The following ASIP variants were observed in gnomAD, a reference collection of about 807,000 sequenced individuals.
ASIP encodes the protein agouti signaling protein.
Under a neutral mutation model 10.3 loss-of-function variants are expected in ASIP, and 11 were observed. The observed-to-expected ratio is 1.07, with a 90% CI of 0.68 to 1.78. ASIP has a LOEUF of 1.78. ASIP is among the 40% of genes most tolerant of loss of function. The pLI is 0.00. For synonymous variants in ASIP, 70 were observed against 70.8 expected, an observed-to-expected ratio of 0.99 and a Z score of 0.06; for missense variants, 180 against 169.2, an observed-to-expected ratio of 1.06 and a Z score of -0.35.
rs539277829 is a variant in ASIP, at chr20:34,252,672, C to T, written c.-10-7693C>T. On this transcript the variant is annotated intron_variant, in intron 1 of 3. Transcript: ENST00000374954. ...GCAAAGAGGCCTCCCTCTTTCACTA[C>T]TCCCCCTCAGCACAGACCCTTTATG... Among the ~76,000 whole-genome samples, 204 of 152,264 alleles carry T rather than the reference C, an allele frequency of 1.3e-3. 1 individual carries two copies. The highest frequency in any genetic ancestry group is 4.7e-3 in the African/African-American group (196 of 41,542).
At chr20:34,246,190 G>T in intron 1 of ASIP, 2 of 1,236,940 alleles carry the variant, frequency 1.6e-6, no homozygotes, top group Non-Finnish European at 2.3e-6. Flanking sequence ...TAGGAATTTT[G>T]GCCTTAGTAA....
In ASIP at chr20:34,246,242, C is replaced by T. The variant is rs148614048; in HGVS notation, c.-11+4753C>T. On this transcript the variant is annotated intron_variant, in intron 1 of 3. Coordinates refer to ENST00000374954, the MANE Select transcript of ASIP (RefSeq NM_001672.3). ...CTTCTTTTTTTGTTTTATTTGGCCT[C>T]TTCCACCTCTCTTCTGTTTTTTCTT... 6.5e-3 allele frequency: 9,959 copies of T among 1,531,284 alleles called. 817 individuals carry two copies. In the Admixed American group the frequency reaches 0.16, roughly 24 times the overall value. 94.9% of individuals were successfully genotyped at this position (1,531,284 alleles called of 1,614,324 possible).
chr20:34,235,372 G>A (rs1242136920), intron 1 of ASIP, among the ~76,000 whole-genome samples: 3 of 151,990 alleles, frequency 2.0e-5, no homozygotes, highest in Admixed American at 6.5e-5. Flanking sequence ...GCGGGGAGGC[G>A]GAGGTTGCAG....
At position 34,260,525 on chromosome 20, in the gene ASIP, T is replaced by C; in HGVS notation, c.151T>C (p.Ser51Pro). The C allele has an allele frequency of 6.2e-7, 1 of 1,611,890 alleles. No individual in the cohort carries two copies. Among genetic ancestry groups the C allele is most frequent in the Non-Finnish European group, 8.5e-7 (1 of 1,178,544 alleles). ...SVNLLDVPSV[S>P]IVALNKKSKQ... ...GAACCTACTGGATGTCCCTTCTGTC[T>C]CTATTGTGGGTAAGTCACCTAGCCT... The change falls in exon 2 of 4, where the codon TCT becomes CCT. Residue 51 changes from serine to proline, a missense_variant. Physicochemically the swap from Ser to Pro is moderately conservative, Grantham distance 74 (BLOSUM62 -1). Coordinates refer to ENST00000374954, the MANE Select transcript of ASIP (RefSeq NM_001672.3).
chr20:34,235,894 G>GA lies in ASIP; in HGVS notation c.-10-24469dup, dbSNP rs1568756496. ...GGAAGGAAGGAAGGAAGGAAGGAAG[G>GA]AAGGAAAGGAAGGAAGGAAGGAAGG... On this transcript the variant is annotated intron_variant, in intron 1 of 3. Coordinates refer to the ASIP transcript ENST00000568305. Among the ~76,000 whole-genome samples, 14 of 85,056 alleles carry GA rather than the reference G, an allele frequency of 1.6e-4. 1 individual carries two copies. The highest frequency in any genetic ancestry group is 0.012 in the Middle Eastern group (2 of 170). The allele number at this position is 85,056 out of a possible 152,430, so 55.8% of individuals were successfully genotyped here.
At chr20:34,186,696 A>ATTTTTTT in the ASIP span, among the ~76,000 whole-genome samples, 1 of 152,206 alleles carries the variant, frequency 6.6e-6, no homozygotes, top group African/African-American at 2.4e-5. Flanking sequence ...GCCAGTTCTC[A>ATTTTTTT]TTTTTCTATT....
chr20:34,201,017 C>CTTTCTTTCTTTCTTTCTTTCTTTCT (rs2034892333), intron 1 of ASIP, among the ~76,000 whole-genome samples: 1 of 63,418 alleles, frequency 1.6e-5, no homozygotes, highest in Non-Finnish European at 3.1e-5. Context: ...TCCTTCCTTC[C>CTTTCTTTCTTTCTTTCTTTCTTTCT]TTCTTTCTTT....
intron 1 of ASIP, among the ~76,000 whole-genome samples, chr20:34,211,353 G>A (rs189506560): frequency 7.2e-5 from 11 of 152,270 alleles, no homozygotes; most frequent in East Asian, 1.9e-4. Flanking sequence ...ATGAGCCACC[G>A]TGCCCGGCCT....
At chr20:34,214,097 G>A (rs2034992207) in intron 1 of ASIP, 6 of 1,167,750 alleles carry the variant, frequency 5.1e-6, no homozygotes, top group South Asian at 4.9e-5. Context: ...TTTGATCATC[G>A]CTGCTCAGGA....
upstream of ASIP, among the ~76,000 whole-genome samples, chr20:34,191,873 G>A (rs1378868057): frequency 6.6e-6 from 1 of 151,708 alleles, no homozygotes; most frequent in African/African-American, 2.4e-5. Context: ...GGGATTACAG[G>A]TGCCCACCAC....
At chr20:34,235,836 AGAAAGAAG>A (rs1305820695) in intron 1 of ASIP, among the ~76,000 whole-genome samples, 75 of 64,152 alleles carry the variant, frequency 1.2e-3, no homozygotes, top group South Asian at 1.5e-3. Context: ...AAAGAAAGAA[AGAAAGAAG>A]GAAGGAAGGA....
chr20:34,264,434 C>T (rs564358830), intron 3 of ASIP, among the ~76,000 whole-genome samples: 85 of 152,240 alleles, frequency 5.6e-4, no homozygotes, highest in Non-Finnish European at 1.0e-3. Context: ...TCAAGGTTCT[C>T]GTGTATTTTT....
At chr20:34,194,103 A>G (rs1601566368), upstream of ASIP, among the ~76,000 whole-genome samples, 1 of 152,308 alleles carries the variant, frequency 6.6e-6, no homozygotes, top group Non-Finnish European at 1.5e-5. Context: ...AACCCTAAAT[A>G]AATATACCAG....
intron 1 of ASIP, among the ~76,000 whole-genome samples, chr20:34,197,842 T>C (rs982178589): frequency 6.6e-6 from 1 of 152,112 alleles, no homozygotes; most frequent in African/African-American, 2.4e-5. Context: ...TGCATCTGCG[T>C]ATAACTACCT....
upstream of ASIP, among the ~76,000 whole-genome samples, chr20:34,238,264 G>C (rs575057618): frequency 1.3e-5 from 2 of 152,014 alleles, no homozygotes; most frequent in African/African-American, 2.4e-5. Context: ...TTCTGGGATG[G>C]CTAGACTTCT....
chr20:34,187,810 T>C, the ASIP span, among the ~76,000 whole-genome samples: 10 of 152,330 alleles, frequency 6.6e-5, no homozygotes, highest in Admixed American at 4.6e-4. Context: ...AAAGATACTT[T>C]GGAGTTACTC....
At chr20:34,235,884 A>AG (rs1568756319) in intron 1 of ASIP, among the ~76,000 whole-genome samples, 104 of 95,488 alleles carry the variant, frequency 1.1e-3, no homozygotes, top group African/African-American at 5.4e-3. Context: ...GAAGGAAGGA[A>AG]GGAAGGAAGG....
intron 3 of ASIP, 144 bp from the exon 4 acceptor site, chr20:34,268,847 G>C: frequency 1.0e-6 from 1 of 980,818 alleles, no homozygotes; most frequent in Admixed American, 2.3e-5. Flanking sequence ...GAATCTGACT[G>C]GGGGAGCGGG....
intron 1 of ASIP, among the ~76,000 whole-genome samples, chr20:34,256,322 C>A (rs766235865): frequency 2.0e-5 from 3 of 152,082 alleles, no homozygotes; most frequent in Non-Finnish European, 4.4e-5. Context: ...GGTCTCTGTG[C>A]CTTGGTGGTA....
Sources: allele counts gnomAD v4.1 joint callset (sites outside exome capture counted in the v4.1 genomes callset), GRCh38; gene constraint gnomAD v4.1.1; transcripts MANE v1.5; gene names NCBI Gene and HGNC (gene_info 2026-07-23, HGNC 2026-07-21).